Variants in AHCY observed in about 807,000 individuals in gnomAD.
The protein encoded by AHCY is S-adenosyl-L-homocysteine hydrolase.
AHCY carries 24 observed loss-of-function variants against 45.4 expected under a neutral mutation model. The observed-to-expected ratio is 0.53, with a 90% CI of 0.38 to 0.74. The LOEUF is 0.74. Among genes scored for constraint, AHCY ranks in the 30% least tolerant of loss-of-function variants. The pLI is 0.00. For missense variants in AHCY, 449 were observed against 594.1 expected (o/e 0.76, Z 2.54); for synonymous variants, 245 against 235.1 (o/e 1.04, Z -0.39).
chr20:34,267,593 G>A, the AHCY span, among the ~76,000 whole-genome samples: 921 of 151,418 alleles, frequency 6.1e-3, 4 homozygotes, highest in Middle Eastern at 0.038. Context: ...GTGCAATGGC[G>A]CAATCTCCAC....
the AHCY span, among the ~76,000 whole-genome samples, chr20:34,273,326 G>C: frequency 6.6e-6 from 1 of 151,104 alleles, no homozygotes; most frequent in East Asian, 2.0e-4. Context: ...AGGCTAGCTA[G>C]AGTTGTTTCT....
chr20:34,302,693 G>A, intron 1 of AHCY: 1 of 987,410 alleles, frequency 1.0e-6, no homozygotes, highest in Non-Finnish European at 1.2e-6. Context: ...TGCCCCTGCT[G>A]GAGGGGTGGG....
chr20:34,241,557 G>A, the AHCY span: 3 of 982,496 alleles, frequency 3.1e-6, no homozygotes, highest in South Asian at 1.4e-4. Context: ...AAAGTTGAAA[G>A]GACTTAACAG....
At chr20:34,304,847 C>T (rs2036875926), upstream of AHCY, among the ~76,000 whole-genome samples, 1 of 151,866 alleles carries the variant, frequency 6.6e-6, no homozygotes, top group Admixed American at 6.6e-5. Flanking sequence ...AGCCACCACG[C>T]CTGGCTAATT....
At chr20:34,283,346 A>G (rs1037356955) in intron 9 of AHCY, among the ~76,000 whole-genome samples, 2 of 152,120 alleles carry the variant, frequency 1.3e-5, no homozygotes, top group African/African-American at 2.4e-5. Context: ...GGATGGATGG[A>G]TCACTCATCT....
At chr20:34,296,248 A>G (rs566730989) in intron 1 of AHCY, among the ~76,000 whole-genome samples, 1 of 152,230 alleles carries the variant, frequency 6.6e-6, no homozygotes, top group Non-Finnish European at 1.5e-5. Flanking sequence ...GCAAGCACTC[A>G]CCTGCCCACT....
intron 8 of AHCY, chr20:34,286,140 T>C (rs552667035): frequency 2.2e-5 from 5 of 223,304 alleles, no homozygotes; most frequent in Admixed American, 5.2e-5. Context: ...AAAGAAATGC[T>C]GAGCTGCAGA....
chr20:34,244,151 T>C, the AHCY span, among the ~76,000 whole-genome samples: 2 of 152,236 alleles, frequency 1.3e-5, no homozygotes, highest in Admixed American at 6.5e-5. Flanking sequence ...CTAAGTTTCT[T>C]AGAAGTGTCC....
chr20:34,302,069 C>T (rs557680010), intron 1 of AHCY: 7 of 809,282 alleles, frequency 8.6e-6, no homozygotes, highest in African/African-American at 1.9e-5. Context: ...GGTGCAATCT[C>T]GGCTCACTGC....
At chr20:34,306,628 C>T (rs56810660), upstream of AHCY, among the ~76,000 whole-genome samples, 1,567 of 152,294 alleles carry the variant, frequency 0.01, 38 homozygotes, top group African/African-American at 0.036. Context: ...CTTGGCCTTC[C>T]AAAGTGCTGG....
the AHCY span, among the ~76,000 whole-genome samples, chr20:34,271,346 T>G: frequency 6.6e-6 from 1 of 152,322 alleles, no homozygotes; most frequent in Non-Finnish European, 1.5e-5. Flanking sequence ...AAACTCACAT[T>G]TGTGACTCAG....
At chr20:34,294,004 T>C in intron 3 of AHCY, 77 bp downstream of exon 3, 2 of 1,440,228 alleles carry the variant, frequency 1.4e-6, no homozygotes, top group Non-Finnish European at 1.9e-6. Context: ...AGGAAGTCTG[T>C]TGCTCTAGCA....
chr20:34,254,322 CA>C, the AHCY span, among the ~76,000 whole-genome samples: 5 of 152,204 alleles, frequency 3.3e-5, no homozygotes, highest in Admixed American at 3.3e-4. Context: ...CTTGGCCTCC[CA>C]AAGTGCTGGG....
the AHCY span, among the ~76,000 whole-genome samples, chr20:34,275,090 T>C: frequency 1.3e-5 from 2 of 150,790 alleles, no homozygotes; most frequent in East Asian, 2.0e-4. Context: ...GTCCCCTTCA[T>C]GGTGCAGCTG....
chr20:34,240,097 A>G, the AHCY span, among the ~76,000 whole-genome samples: 1 of 152,200 alleles, frequency 6.6e-6, no homozygotes, highest in Non-Finnish European at 1.5e-5. Flanking sequence ...GAAATGTTCT[A>G]TACTGTTTTG....
chr20:34,303,111 C>G, intron 1 of AHCY, 132 bp downstream of exon 1: 1 of 1,486,132 alleles, frequency 6.7e-7, no homozygotes, highest in African/African-American at 1.4e-5. Flanking sequence ...TGGCTTCGCG[C>G]GGCCAGAAAC....
chr20:34,300,751 T>C (rs2036742140), intron 1 of AHCY, among the ~76,000 whole-genome samples: 1 of 152,200 alleles, frequency 6.6e-6, no homozygotes, highest in South Asian at 2.1e-4. Flanking sequence ...AGAGACCAGA[T>C]TTGTCTTTTG....
chr20:34,291,661 C>T, intron 4 of AHCY, 130 bp from the exon 5 acceptor site: 1 of 846,964 alleles, frequency 1.2e-6, no homozygotes, highest in Non-Finnish European at 1.9e-6. Context: ...ACAGGCCCCC[C>T]AATCACCCAG....
chr20:34,297,963 A>G (rs909365483), intron 1 of AHCY, among the ~76,000 whole-genome samples: 3 of 152,006 alleles, frequency 2.0e-5, no homozygotes, highest in African/African-American at 7.2e-5. Flanking sequence ...ACATGGTGAA[A>G]CCCCGTCTCT....
Sources: allele counts gnomAD v4.1 joint callset (sites outside exome capture counted in the v4.1 genomes callset), GRCh38; gene constraint gnomAD v4.1.1; transcripts MANE v1.5; gene names NCBI Gene and HGNC (gene_info 2026-07-23, HGNC 2026-07-21).